Variants in ZNF516 observed in about 807,000 individuals in gnomAD.
ZNF516 encodes zinc finger protein 516.
In ZNF516, 19 loss-of-function variants were observed where a neutral mutation model predicts 79.7. That is an observed-to-expected ratio of 0.24 (90% CI 0.17 to 0.35). ZNF516 has a LOEUF of 0.35. Ranked by LOEUF, ZNF516 falls within the 10% of genes least tolerant of loss-of-function variation. ZNF516 has a pLI of 1.00. For missense variants in ZNF516, 1,678 were observed against 1,679.5 expected, an observed-to-expected ratio of 1.00 and a Z score of 0.02; for synonymous variants, 877 against 739.5, an observed-to-expected ratio of 1.19 and a Z score of -3.02.
At chr18:76,491,091 G>C in intron 1 of ZNF516, 1 of 985,286 alleles carries the variant, frequency 1.0e-6, no homozygotes, top group Non-Finnish European at 1.2e-6. Context: ...TCGTCCTCGG[G>C]GCCACGCCTT....
rs538615519 is a variant in ZNF516 at position 76,379,291 on chromosome 18, C to T, written c.2823G>A (p.Ala941=). Residue 941 remains alanine (A), a synonymous_variant, in exon 4 of 7, where the codon GCG becomes GCA. Transcript: ENST00000443185. ...CAGGCTTGCTATTGGCCGAGGGCTGCGCGCCAGCCCGGGCGATGACGGTGG... is the reference window on the plus strand; with the variant it reads ...CAGGCTTGCTATTGGCCGAGGGCTGTGCGCCAGCCCGGGCGATGACGGTGG... ...PTPTVIARAG[A]QPSANSKPVE... The T allele has an allele frequency of 4.3e-5, 70 of 1,609,446 alleles. No individual in the cohort carries two copies. In the South Asian group the frequency reaches 6.3e-4, roughly 14 times the overall value.
Position 76,441,606 on chromosome 18 carries a change from C to A in ZNF516, c.1449G>T (p.Gly483=), listed in dbSNP as rs1175672156. Residue 483 remains glycine, a synonymous_variant, in exon 3 of 7, where the codon GGG becomes GGT. Coordinates refer to ENST00000443185, the MANE Select transcript of ZNF516 (RefSeq NM_014643.4). ...GGCCGGCGGGCGCGGGGTCCCCAGG[C>A]CCGCTCGCGCGCTTCCGCGGGGGCC... ...AQGPPRKRAS[G]PGDPAPAGHL... 6.1e-6 allele frequency: 9 copies of A among 1,478,450 alleles called. No individual in the cohort carries two copies. The highest frequency in any genetic ancestry group is 8.1e-6 in the Non-Finnish European group (9 of 1,116,960). 91.6% of individuals were successfully genotyped at this position (1,478,450 alleles called of 1,614,324 possible).
At position 76,362,865 on chromosome 18, in the gene ZNF516, G is replaced by C. The variant is rs181688079; in HGVS notation, c.3433-308C>G. Reference sequence around the variant, plus strand: ...GGTTTCACATGTAAGAATGGCAGATGATAGTGTCTGAACCAGCTCTGGAGA... The same window carrying C: ...GGTTTCACATGTAAGAATGGCAGATCATAGTGTCTGAACCAGCTCTGGAGA... On this transcript the variant is annotated intron_variant, in intron 6 of 6. Coordinates refer to ENST00000443185, the MANE Select transcript of ZNF516 (RefSeq NM_014643.4). Among the ~76,000 whole-genome samples, 412 of 152,314 alleles carry C rather than the reference G, an allele frequency of 2.7e-3. 2 individuals are homozygous for C. The highest frequency in any genetic ancestry group is 1.8e-3 in the Non-Finnish European group (125 of 68,030).
At chr18:76,395,644 C>T (rs1022748315) in intron 3 of ZNF516, among the ~76,000 whole-genome samples, 1 of 151,914 alleles carries the variant, frequency 6.6e-6, no homozygotes, top group African/African-American at 2.4e-5. Flanking sequence ...GGTGGACATC[C>T]CAGAGCTACA....
At chr18:76,408,865 T>G (rs1012101114) in intron 3 of ZNF516, among the ~76,000 whole-genome samples, 4 of 152,224 alleles carry the variant, frequency 2.6e-5, no homozygotes, top group Non-Finnish European at 5.9e-5. Context: ...CACTGTGAAG[T>G]GAAGCTACCA....
intron 1 of ZNF516, among the ~76,000 whole-genome samples, chr18:76,468,417 C>CT (rs58648821): frequency 0.067 from 8,535 of 127,388 alleles, 559 homozygotes; most frequent in African/African-American, 0.15. Flanking sequence ...TCATTAGTGT[C>CT]TTTTTTTTTT....
At chr18:76,490,822 C>A in intron 1 of ZNF516, 1 of 985,496 alleles carries the variant, frequency 1.0e-6, no homozygotes, top group Non-Finnish European at 1.2e-6. Context: ...GGTCCGAGGG[C>A]TCCGTCCTTT....
chr18:76,455,973 T>C (rs1206691465), intron 2 of ZNF516, among the ~76,000 whole-genome samples: 1 of 152,052 alleles, frequency 6.6e-6, no homozygotes, highest in Non-Finnish European at 1.5e-5. Flanking sequence ...CATTGTTACC[T>C]CCCTGTTCCC....
chr18:76,489,991 G>A (rs1189467776), intron 1 of ZNF516, among the ~76,000 whole-genome samples: 1 of 152,114 alleles, frequency 6.6e-6, no homozygotes, highest in African/African-American at 2.4e-5. Flanking sequence ...TTTTTAGAAG[G>A]TTAATGCGCT....
At chr18:76,376,073 G>A (rs1196189507) in intron 4 of ZNF516, among the ~76,000 whole-genome samples, 1 of 152,246 alleles carries the variant, frequency 6.6e-6, no homozygotes, top group East Asian at 1.9e-4. Flanking sequence ...TCCAGGAAAG[G>A]CAAGAGGGAA....
At chr18:76,434,763 G>C (rs535770216) in intron 3 of ZNF516, among the ~76,000 whole-genome samples, 21 of 152,386 alleles carry the variant, frequency 1.4e-4, no homozygotes, top group African/African-American at 4.8e-4. Context: ...ACACTAACAG[G>C]AAGAGTGCGT....
intron 4 of ZNF516, among the ~76,000 whole-genome samples, chr18:76,377,286 C>A (rs1197981105): frequency 2.6e-5 from 4 of 152,278 alleles, no homozygotes; most frequent in Non-Finnish European, 5.9e-5. Context: ...AATGACGAGA[C>A]CCTCGGGTGT....
intron 2 of ZNF516, among the ~76,000 whole-genome samples, chr18:76,452,835 A>C: frequency 6.6e-6 from 1 of 152,214 alleles, no homozygotes; most frequent in East Asian, 1.9e-4. Context: ...CATTCAGAAA[A>C]GTCCAAGAAA....
chr18:76,437,967 T>C (rs920086522), intron 3 of ZNF516, among the ~76,000 whole-genome samples: 2 of 152,018 alleles, frequency 1.3e-5, no homozygotes, highest in Admixed American at 6.5e-5. Flanking sequence ...ATCTAAAAAG[T>C]GAGGGTGGGT....
intron 3 of ZNF516, among the ~76,000 whole-genome samples, chr18:76,398,457 A>G (rs752943462): frequency 6.6e-6 from 1 of 152,232 alleles, no homozygotes; most frequent in Non-Finnish European, 1.5e-5. Flanking sequence ...GATGCCAGCT[A>G]GCACAAAGGC....
chr18:76,488,514 G>T, intron 1 of ZNF516, among the ~76,000 whole-genome samples: 1 of 124,192 alleles, frequency 8.1e-6, no homozygotes, highest in East Asian at 3.0e-4. Flanking sequence ...ACAGCTTCTA[G>T]AACTTTTGAG....
intron 1 of ZNF516, among the ~76,000 whole-genome samples, chr18:76,480,492 CAT>C (rs1239691256): frequency 0.013 from 1,486 of 112,840 alleles, 38 homozygotes; most frequent in African/African-American, 0.047. Flanking sequence ...CACATATACA[CAT>C]ACACACACAC....
At chr18:76,461,205 A>G (rs1160352951) in intron 2 of ZNF516, among the ~76,000 whole-genome samples, 1 of 152,180 alleles carries the variant, frequency 6.6e-6, no homozygotes, top group African/African-American at 2.4e-5. Flanking sequence ...ATAAATAAAA[A>G]TAACAACATA....
chr18:76,379,891 C>T lies in ZNF516; in HGVS notation c.2223G>A (p.Arg741=). The change falls in exon 4 of 7, where the codon CGG becomes CGA. Residue 741 remains arginine, a synonymous_variant. Coordinates refer to ENST00000443185, the MANE Select transcript of ZNF516 (RefSeq NM_014643.4). ...CCGTCTCCTTATTGCTGGGGTCATCCCGCGTCGACCTCGCACTTAAATCTA... is the reference window on the plus strand; with the variant it reads ...CCGTCTCCTTATTGCTGGGGTCATCTCGCGTCGACCTCGCACTTAAATCTA... ...MPLDLSARST[R]DDPSNKETAS... 3.1e-6 allele frequency: 5 copies of T among 1,613,934 alleles called. No individual in the cohort carries two copies. Among genetic ancestry groups the T allele is most frequent in the Non-Finnish European group, 4.2e-6 (5 of 1,179,882 alleles).
Sources: allele counts gnomAD v4.1 joint callset (sites outside exome capture counted in the v4.1 genomes callset), GRCh38; gene constraint gnomAD v4.1.1; transcripts MANE v1.5; gene names NCBI Gene and HGNC (gene_info 2026-07-23, HGNC 2026-07-21).